NFIA: variants seen among roughly 807,000 people sequenced by gnomAD.
The protein encoded by NFIA is nuclear factor I A.
A neutral mutation model predicts 62.8 loss-of-function variants in NFIA; 8 were observed. That is an observed-to-expected ratio of 0.13 (90% CI 0.07 to 0.23). The LOEUF (loss-of-function observed/expected upper bound fraction) is 0.23, where lower values mean the gene tolerates loss of function less well. Among genes scored for constraint, NFIA ranks in the 10% least tolerant of loss-of-function variants. The pLI, the probability that NFIA is intolerant of heterozygous loss-of-function variation, is 1.00. For synonymous variants in NFIA, 235 were observed against 238.1 expected (o/e 0.99, Z 0.12); for missense variants, 410 against 642.1 (o/e 0.64, Z 3.91).
At position 61,305,678 on chromosome 1, in the gene NFIA, C is replaced by T. The variant is rs553195227; in HGVS notation, c.626-26834C>T. 3.3e-5 allele frequency among the ~76,000 whole-genome samples: 5 copies of T among 152,258 alleles called. No individual in the cohort carries two copies. The East Asian group carries it at 9.7e-4, about 29-fold the overall frequency. ...GAAACAGAAGGGAAGACCATCCTGT[C>T]TTCAGGGCTTGCCCTCTTGTTTAAT... On this transcript the variant is annotated intron_variant, in intron 3 of 10. Transcript: ENST00000403491.
chr1:61,211,935 C>T (rs1003138882), intron 2 of NFIA, among the ~76,000 whole-genome samples: 2 of 152,148 alleles, frequency 1.3e-5, no homozygotes, highest in African/African-American at 4.8e-5. Context: ...GAACTCAAAC[C>T]ATCTGCCCGC....
At chr1:61,087,649 T>C (rs935751386) in intron 1 of NFIA, among the ~76,000 whole-genome samples, 1 of 152,294 alleles carries the variant, frequency 6.6e-6, no homozygotes, top group Admixed American at 6.5e-5. Flanking sequence ...TTTCATTGAT[T>C]GTAGAGATGA....
chr1:61,340,843 C>T (rs982087747), intron 4 of NFIA, among the ~76,000 whole-genome samples: 5 of 152,096 alleles, frequency 3.3e-5, no homozygotes, highest in African/African-American at 9.7e-5. Context: ...AATAGTAGAC[C>T]TCATTCCTCT....
At position 61,457,794 on chromosome 1, in the gene NFIA, C is replaced by T. The variant is rs1414833202; in HGVS notation, c.*2474C>T. The T allele has an allele frequency of 1.3e-5, 2 of 151,208 alleles. No individual in the cohort carries two copies. The highest frequency in any genetic ancestry group is 3.9e-4 in the East Asian group (2 of 5,162). 9.4% of individuals were successfully genotyped at this position (151,208 alleles called of 1,614,324 possible). A position where few individuals can be genotyped will look rare whatever the true frequency, so the allele number is the denominator to read the frequency against. On this transcript the variant is annotated 3_prime_UTR_variant, in exon 11 of 11. Coordinates refer to ENST00000403491, the MANE Select transcript of NFIA (RefSeq NM_001134673.4). The surrounding 1 kb of genome is among the most constrained non-coding windows in gnomAD (Gnocchi z 4.2). Reference sequence around the variant, plus strand: ...AGCACTAAGCTGACCCTGCTTCAAGCAATTTTGTTTTTACAACTGTTCCTT... The same window carrying T: ...AGCACTAAGCTGACCCTGCTTCAAGTAATTTTGTTTTTACAACTGTTCCTT...
chr1:61,165,171 A>G (rs1211292849), intron 2 of NFIA, among the ~76,000 whole-genome samples: 2 of 152,178 alleles, frequency 1.3e-5, no homozygotes, highest in Non-Finnish European at 2.9e-5. Context: ...GTACTGCTAT[A>G]TTACATTTTA....
chr1:61,328,192 T>TG (rs780563010), intron 3 of NFIA, among the ~76,000 whole-genome samples: 11 of 152,178 alleles, frequency 7.2e-5, no homozygotes, highest in South Asian at 6.2e-4. Flanking sequence ...GTAAACTTTC[T>TG]GATAGGGCAG....
At chr1:61,200,388 C>G (rs1037099534) in intron 2 of NFIA, among the ~76,000 whole-genome samples, 2 of 151,664 alleles carry the variant, frequency 1.3e-5, no homozygotes, top group African/African-American at 4.8e-5. Context: ...TAAAATTAAT[C>G]AACACATTTT....
chr1:61,452,554 A>G (rs531921523), intron 10 of NFIA, among the ~76,000 whole-genome samples: 18 of 152,290 alleles, frequency 1.2e-4, no homozygotes, highest in African/African-American at 3.4e-4. Flanking sequence ...CTCTGCCTTC[A>G]GGAGTCATAT....
At position 61,276,126 on chromosome 1, in the gene NFIA, A is replaced by T. The variant is rs1243569236; in HGVS notation, c.560-1394A>T. Among the ~76,000 whole-genome samples, 7 of 152,264 alleles carry T rather than the reference A, an allele frequency of 4.6e-5. No individual in the cohort carries two copies. The East Asian group carries it at 1.3e-3, about 29-fold the overall frequency. ...CTTTTTAGCATCTTCTGTTATTTAA[A>T]CCTTTGAATCAACATAGAATTTTTG... On this transcript the variant is annotated intron_variant, in intron 2 of 10. Coordinates refer to ENST00000403491, the MANE Select transcript of NFIA (RefSeq NM_001134673.4).
intron 2 of NFIA, among the ~76,000 whole-genome samples, chr1:61,098,728 T>TA (rs905121710): frequency 1.3e-5 from 2 of 152,204 alleles, no homozygotes; most frequent in African/African-American, 2.4e-5. Context: ...ACTACAGTTT[T>TA]AAAAAAATAT....
At chr1:61,423,997 A>G (rs1415393091) in intron 9 of NFIA, among the ~76,000 whole-genome samples, 2 of 149,304 alleles carry the variant, frequency 1.3e-5, no homozygotes, top group Non-Finnish European at 3.0e-5. Context: ...ATATATATGA[A>G]TATATATATA....
At chr1:61,347,394 C>T (rs1313534119) in intron 4 of NFIA, among the ~76,000 whole-genome samples, 2 of 151,800 alleles carry the variant, frequency 1.3e-5, no homozygotes, top group Non-Finnish European at 2.9e-5. Context: ...AGGATGGTCT[C>T]GATCTCCTGA....
chr1:61,237,672 T>C (rs1213047849), intron 2 of NFIA, among the ~76,000 whole-genome samples: 1 of 152,214 alleles, frequency 6.6e-6, no homozygotes. Context: ...TTTTCAAATA[T>C]GGATTTCAAG....
rs1381906257 is a variant in NFIA, at chr1:61,459,783, C to G, written c.*4463C>G. On this transcript the variant is annotated 3_prime_UTR_variant, in exon 11 of 11. Transcript: ENST00000403491. The stretch of plus-strand genomic sequence containing the variant: ...ACAGTGGCATAAAGGACTGACAAAA[C>G]CTGGATAAGGAAAAACCTTTTTTTT... 1 of 152,082 alleles carries G rather than the reference C, an allele frequency of 6.6e-6. No homozygotes were observed. The highest frequency in any genetic ancestry group is 2.4e-5 in the African/African-American group (1 of 41,398). 9.4% of individuals were successfully genotyped at this position (152,082 alleles called of 1,614,324 possible).
At chr1:61,241,366 T>A (rs1655338922) in intron 2 of NFIA, among the ~76,000 whole-genome samples, 1 of 152,204 alleles carries the variant, frequency 6.6e-6, no homozygotes, top group African/African-American at 2.4e-5. Flanking sequence ...GTATTTAAGT[T>A]AAGGAAATTG....
chr1:61,213,898 G>C (rs1170345763), intron 2 of NFIA, among the ~76,000 whole-genome samples: 1 of 152,140 alleles, frequency 6.6e-6, no homozygotes, highest in Non-Finnish European at 1.5e-5. Flanking sequence ...TCCTGCTGAC[G>C]CACCAGGCGT....
At chr1:61,190,824 ACTT>A (rs1651564790) in intron 2 of NFIA, among the ~76,000 whole-genome samples, 1 of 152,122 alleles carries the variant, frequency 6.6e-6, no homozygotes, top group Non-Finnish European at 1.5e-5. Flanking sequence ...TGCAACACCA[ACTT>A]CTTTTCTTCC....
chr1:61,360,046 GA>G (rs1344465834), intron 6 of NFIA, among the ~76,000 whole-genome samples: 1 of 152,034 alleles, frequency 6.6e-6, no homozygotes, highest in Non-Finnish European at 1.5e-5. Flanking sequence ...ATATAATAAG[GA>G]CACTTTGCAA....
At chr1:61,179,986 A>G (rs1023137498) in intron 2 of NFIA, among the ~76,000 whole-genome samples, 3 of 152,276 alleles carry the variant, frequency 2.0e-5, no homozygotes, top group Middle Eastern at 3.4e-3. Flanking sequence ...TATCGAGTCA[A>G]TCAGGACTCT....
Sources: gnomAD v4.1 joint callset for allele counts (sites outside exome capture counted in the v4.1 genomes callset) on GRCh38, gnomAD v4.1.1 for gene constraint, Gnocchi (gnomAD v3.1) non-coding constraint, MANE v1.5 for transcripts, NCBI Gene and HGNC (gene_info 2026-07-23, HGNC 2026-07-21) for gene names.